The following CCDC7 variants were observed in gnomAD, a reference collection of about 807,000 sequenced individuals.
CCDC7 encodes the protein coiled-coil domain-containing protein 7.
Under a neutral mutation model 196.9 loss-of-function variants are expected in CCDC7, and 183 were observed. The observed-to-expected ratio is 0.93, with a 90% CI of 0.82 to 1.05. CCDC7 has a LOEUF of 1.05. Ranked by LOEUF, CCDC7 falls within the 50% of genes least tolerant of loss-of-function variation. CCDC7 has a pLI of 0.00. For synonymous variants in CCDC7, 525 were observed against 484.6 expected (o/e 1.08, Z -1.10); for missense variants, 1,540 against 1,482.2 (o/e 1.04, Z -0.64).
intron 25 of CCDC7, among the ~76,000 whole-genome samples, chr10:32,714,252 G>A (rs1223169090): frequency 6.6e-6 from 1 of 152,152 alleles, no homozygotes; most frequent in African/African-American, 2.4e-5. Flanking sequence ...CAAGGAGGGC[G>A]AGCAGAAGCA....
At chr10:32,581,987 T>C (rs182769853) in intron 16 of CCDC7, among the ~76,000 whole-genome samples, 1 of 151,696 alleles carries the variant, frequency 6.6e-6, no homozygotes, top group Non-Finnish European at 1.5e-5. Flanking sequence ...TGAGATGCTA[T>C]CCTTAATTTA....
chr10:32,526,032 T>C (rs2048624837), intron 11 of CCDC7, among the ~76,000 whole-genome samples: 1 of 152,130 alleles, frequency 6.6e-6, no homozygotes, highest in Non-Finnish European at 1.5e-5. Context: ...AAGCCCTAAG[T>C]GTGTTCAGAG....
chr10:32,733,877 A>G (rs547132176), intron 28 of CCDC7, among the ~76,000 whole-genome samples: 21 of 152,328 alleles, frequency 1.4e-4, no homozygotes, highest in African/African-American at 5.1e-4. Context: ...AACCATAGTG[A>G]GATACCATCT....
chr10:32,534,645 T>G (rs764597833), intron 11 of CCDC7, among the ~76,000 whole-genome samples: 1 of 151,948 alleles, frequency 6.6e-6, no homozygotes, highest in African/African-American at 2.4e-5. Flanking sequence ...ATGATGAGAG[T>G]GCTGCTTGTC....
intron 20 of CCDC7, among the ~76,000 whole-genome samples, chr10:32,649,902 A>G (rs1474339362): frequency 5.3e-5 from 8 of 152,146 alleles, no homozygotes; most frequent in Non-Finnish European, 1.0e-4. Flanking sequence ...TTTGTTGTTC[A>G]GCTCTTTGTT....
chr10:32,616,391 C>G (rs58538625), intron 18 of CCDC7, among the ~76,000 whole-genome samples: 5 of 151,628 alleles, frequency 3.3e-5, no homozygotes, highest in African/African-American at 1.2e-4. Flanking sequence ...GTCAAATATT[C>G]CTTGATATTT....
At chr10:32,511,206 A>T in intron 9 of CCDC7, 16 of 621,566 alleles carry the variant, frequency 2.6e-5, no homozygotes, top group South Asian at 1.2e-4. Context: ...GAATTTACAT[A>T]TTAATAAGAA....
chr10:32,562,441 A>G (rs1271608160), intron 13 of CCDC7, among the ~76,000 whole-genome samples: 3 of 152,220 alleles, frequency 2.0e-5, no homozygotes, highest in Non-Finnish European at 4.4e-5. Context: ...CACATCAAAA[A>G]GCTTATCCAC....
At chr10:32,836,931 G>T (rs1452918804) in intron 33 of CCDC7, among the ~76,000 whole-genome samples, 1 of 152,104 alleles carries the variant, frequency 6.6e-6, no homozygotes, top group East Asian at 1.9e-4. Context: ...ATTCAAGATG[G>T]ATTAAAGACT....
At chr10:32,862,884 A>C (rs925575658) in intron 41 of CCDC7, among the ~76,000 whole-genome samples, 3 of 152,142 alleles carry the variant, frequency 2.0e-5, no homozygotes, top group Non-Finnish European at 4.4e-5. Flanking sequence ...CTGAAAAAGA[A>C]ACTTTAAAAG....
At chr10:32,736,442 A>G (rs1429178183) in intron 28 of CCDC7, among the ~76,000 whole-genome samples, 1 of 152,072 alleles carries the variant, frequency 6.6e-6, no homozygotes, top group African/African-American at 2.4e-5. Flanking sequence ...CACAATGTGC[A>G]GGTTAGTTAC....
intron 3 of CCDC7, among the ~76,000 whole-genome samples, chr10:32,461,492 CAAGT>C (rs2035605231): frequency 6.6e-6 from 1 of 151,776 alleles, no homozygotes; most frequent in Admixed American, 6.6e-5. Flanking sequence ...ATTTCTCAAA[CAAGT>C]AATTTGCATT....
chr10:32,611,385 A>C (rs992747910), intron 18 of CCDC7, among the ~76,000 whole-genome samples: 1 of 152,112 alleles, frequency 6.6e-6, no homozygotes, highest in African/African-American at 2.4e-5. Flanking sequence ...GTTCACTCTG[A>C]TGATAGTTTC....
intron 28 of CCDC7, among the ~76,000 whole-genome samples, chr10:32,756,075 T>C (rs892193935): frequency 6.6e-6 from 1 of 151,872 alleles, no homozygotes; most frequent in Non-Finnish European, 1.5e-5. Flanking sequence ...TAAAAAGAAA[T>C]GAACAAAGCC....
chr10:32,649,227 G>A (rs2068297554), intron 20 of CCDC7, among the ~76,000 whole-genome samples: 1 of 152,110 alleles, frequency 6.6e-6, no homozygotes, highest in Admixed American at 6.5e-5. Flanking sequence ...CTGGGTGATG[G>A]GATGATCTGT....
intron 9 of CCDC7, chr10:32,512,695 G>A (rs1252582998): frequency 6.6e-6 from 1 of 152,142 alleles, no homozygotes; most frequent in Non-Finnish European, 1.5e-5. Context: ...TAGACTGGGA[G>A]AAAAGATTTG....
At chr10:32,827,134 C>T (rs12573115) in intron 32 of CCDC7, among the ~76,000 whole-genome samples, 13,763 of 152,284 alleles carry the variant, frequency 0.09, 885 homozygotes, top group East Asian at 0.33. Context: ...CACTCAGCCT[C>T]TTTCCCCAGC....
intron 3 of CCDC7, among the ~76,000 whole-genome samples, chr10:32,458,396 T>C (rs1388209401): frequency 6.6e-6 from 1 of 152,092 alleles, no homozygotes; most frequent in Admixed American, 6.6e-5. Flanking sequence ...TGTCTGTTTT[T>C]GTGCCAGTAC....
intron 25 of CCDC7, among the ~76,000 whole-genome samples, chr10:32,723,504 C>T: frequency 6.6e-6 from 1 of 152,128 alleles, no homozygotes; most frequent in Middle Eastern, 3.4e-3. Flanking sequence ...AAGAATAGTC[C>T]AACTATGTTT....
Sources: gnomAD v4.1 joint callset for allele counts (sites outside exome capture counted in the v4.1 genomes callset) on GRCh38, gnomAD v4.1.1 for gene constraint, MANE v1.5 for transcripts, NCBI Gene and HGNC (gene_info 2026-07-23, HGNC 2026-07-21) for gene names.